DNAJC3: variants seen among roughly 807,000 people sequenced by gnomAD.
DNAJC3 encodes the protein dnaJ homolog subfamily C member 3.
In DNAJC3, 38 loss-of-function variants were observed where a neutral mutation model predicts 68.6. The observed-to-expected ratio is 0.55, with a 90% CI of 0.43 to 0.73. The LOEUF (loss-of-function observed/expected upper bound fraction) is 0.73, where lower values mean the gene tolerates loss of function less well. Among genes scored for constraint, DNAJC3 ranks in the 30% least tolerant of loss-of-function variants. The pLI, the probability that DNAJC3 is intolerant of heterozygous loss-of-function variation, is 0.00. For synonymous variants in DNAJC3, 203 were observed against 204.0 expected (o/e 1.00, Z 0.04); for missense variants, 526 against 591.9 (o/e 0.89, Z 1.16).
chr13:95,750,931 G>A (rs1008288353), intron 4 of DNAJC3, among the ~76,000 whole-genome samples: 3 of 152,080 alleles, frequency 2.0e-5, no homozygotes, highest in Non-Finnish European at 2.9e-5. Flanking sequence ...TCTGTAGTAA[G>A]TATACAAAAT....
chr13:95,704,205 C>T (rs1012813962), intron 1 of DNAJC3, among the ~76,000 whole-genome samples: 1 of 152,156 alleles, frequency 6.6e-6, no homozygotes, highest in African/African-American at 2.4e-5. Context: ...CTAAGATCTC[C>T]AAACCATCAG....
At chr13:95,777,295 G>T (rs1314892878) in intron 9 of DNAJC3, among the ~76,000 whole-genome samples, 1 of 152,150 alleles carries the variant, frequency 6.6e-6, no homozygotes, top group African/African-American at 2.4e-5. Context: ...CGTCCAAAGA[G>T]CCCTTATCTT....
intron 4 of DNAJC3, among the ~76,000 whole-genome samples, chr13:95,751,629 T>G (rs1882481090): frequency 6.6e-6 from 1 of 152,218 alleles, no homozygotes; most frequent in Non-Finnish European, 1.5e-5. Flanking sequence ...GTGGTTTGAT[T>G]AAAAACTACA....
rs889514289 is a variant in DNAJC3, at chr13:95,793,176, A to C, written c.*2146A>C. ...TTGCCTGTTTTCAGTGAAGAGAGAG[A>C]AGCAGCTCTGGTGCCACATGCCAGT... On this transcript the variant is annotated 3_prime_UTR_variant, in exon 12 of 12. Coordinates refer to ENST00000602402, the MANE Select transcript of DNAJC3 (RefSeq NM_006260.5). 1 of 152,338 alleles carries C rather than the reference A, an allele frequency of 6.6e-6. No homozygotes were observed. Among genetic ancestry groups the C allele is most frequent in the East Asian group, 1.9e-4 (1 of 5,182 alleles). The allele number at this position is 152,338 out of a possible 1,614,324, so 9.4% of individuals were successfully genotyped here.
intron 2 of DNAJC3, among the ~76,000 whole-genome samples, chr13:95,721,454 G>A (rs572997081): frequency 6.6e-6 from 1 of 152,216 alleles, no homozygotes; most frequent in South Asian, 2.1e-4. Flanking sequence ...GGCCCACATT[G>A]TAATTTTACA....
chr13:95,750,513 A>ATT (rs111462244), intron 4 of DNAJC3, among the ~76,000 whole-genome samples: 46 of 144,210 alleles, frequency 3.2e-4, no homozygotes, highest in African/African-American at 1.0e-3. Flanking sequence ...TAATTATTCA[A>ATT]TTTTTTTTTT....
At chr13:95,722,833 CCCCCCCG>C (rs1881375550) in intron 2 of DNAJC3, among the ~76,000 whole-genome samples, 1 of 31,168 alleles carries the variant, frequency 3.2e-5, no homozygotes, top group Non-Finnish European at 1.0e-4. Flanking sequence ...CCCCCCCCCC[CCCCCCCG>C]CCGAAAAAGG....
intron 1 of DNAJC3, among the ~76,000 whole-genome samples, chr13:95,691,281 G>T (rs953647754): frequency 1.0e-4 from 15 of 149,126 alleles, no homozygotes; most frequent in African/African-American, 3.7e-4. Context: ...GGGCGGAGGG[G>T]CTCCTCACTT....
intron 9 of DNAJC3, among the ~76,000 whole-genome samples, chr13:95,783,262 A>G (rs1399771125): frequency 6.6e-6 from 1 of 152,222 alleles, no homozygotes; most frequent in African/African-American, 2.4e-5. Context: ...AATATAGGAA[A>G]CAACCTATAA....
At chr13:95,772,292 T>C (rs1202168627) in intron 9 of DNAJC3, among the ~76,000 whole-genome samples, 2 of 152,222 alleles carry the variant, frequency 1.3e-5, no homozygotes, top group Non-Finnish European at 2.9e-5. Context: ...TCTACTGTCA[T>C]ATTACCAGAC....
Position 95,794,433 on chromosome 13 carries a change from G to C in DNAJC3, c.*3403G>C, listed in dbSNP as rs1322228156. 1.3e-5 allele frequency: 2 copies of C among 152,222 alleles called. No homozygotes were observed. Among genetic ancestry groups the C allele is most frequent in the African/African-American group, 2.4e-5 (1 of 41,460 alleles). 9.4% of individuals were successfully genotyped at this position (152,222 alleles called of 1,614,324 possible). A position where few individuals can be genotyped will look rare whatever the true frequency, so the allele number is the denominator to read the frequency against. ...GCACACAGCAATGGTATCACCTAGA[G>C]AAGTTCACGCAACTTTGTTGAATGT... On this transcript the variant is annotated 3_prime_UTR_variant, in exon 12 of 12. Transcript: ENST00000602402.
chr13:95,786,184 A>G (rs924768357), intron 10 of DNAJC3, 113 bp downstream of exon 10: 2 of 1,181,176 alleles, frequency 1.7e-6, no homozygotes, highest in Non-Finnish European at 2.3e-6. Flanking sequence ...AATTTCAGTC[A>G]TATGGATTAA....
chr13:95,794,861 A>G lies in DNAJC3; in HGVS notation c.*3831A>G, dbSNP rs990075562. On this transcript the variant is annotated 3_prime_UTR_variant, in exon 12 of 12. Transcript: ENST00000602402. Reference sequence around the variant, plus strand: ...AGACTAAGTAACTTAATCCATCTCAATGTAGTGTTTTAATAAAAAAGGAAC... The same window carrying G: ...AGACTAAGTAACTTAATCCATCTCAGTGTAGTGTTTTAATAAAAAAGGAAC... 1 of 152,228 alleles carries G rather than the reference A, an allele frequency of 6.6e-6. No homozygotes were observed. Among genetic ancestry groups the G allele is most frequent in the African/African-American group, 2.4e-5 (1 of 41,470 alleles). The allele number at this position is 152,228 out of a possible 1,614,324, so 9.4% of individuals were successfully genotyped here.
chr13:95,679,320 T>G (rs1229278418), intron 1 of DNAJC3, among the ~76,000 whole-genome samples: 1 of 148,576 alleles, frequency 6.7e-6, no homozygotes, highest in Non-Finnish European at 1.5e-5. Context: ...TAAAACAGAG[T>G]GCTGTACCCC....
intron 4 of DNAJC3, chr13:95,744,790 A>G (rs934644419): frequency 2.0e-5 from 3 of 152,248 alleles, no homozygotes; most frequent in African/African-American, 7.2e-5. Flanking sequence ...AGGTAACACA[A>G]GAAATACAAA....
At chr13:95,765,436 G>C (rs574745864) in intron 9 of DNAJC3, among the ~76,000 whole-genome samples, 3 of 150,392 alleles carry the variant, frequency 2.0e-5, no homozygotes, top group Non-Finnish European at 4.4e-5. Flanking sequence ...GCTAAATCTT[G>C]TAGAATGCTA....
intron 4 of DNAJC3, among the ~76,000 whole-genome samples, chr13:95,729,181 T>TTCTCTC (rs34173455): frequency 8.2e-5 from 11 of 134,628 alleles, no homozygotes; most frequent in South Asian, 2.7e-4. Flanking sequence ...CATTCACTCA[T>TTCTCTC]TCTCTCTCTC....
At chr13:95,771,785 TTC>T (rs1028943429) in intron 9 of DNAJC3, among the ~76,000 whole-genome samples, 1 of 151,842 alleles carries the variant, frequency 6.6e-6, no homozygotes, top group African/African-American at 2.4e-5. Flanking sequence ...TACCAATCAG[TTC>T]CCATCCCACC....
chr13:95,733,858 G>A (rs988191771), intron 4 of DNAJC3, among the ~76,000 whole-genome samples: 1 of 152,030 alleles, frequency 6.6e-6, no homozygotes, highest in African/African-American at 2.4e-5. Context: ...TACAAGTGAA[G>A]GAAGTTTCTT....
Sources: allele counts gnomAD v4.1 joint callset (sites outside exome capture counted in the v4.1 genomes callset), GRCh38; gene constraint gnomAD v4.1.1; transcripts MANE v1.5; gene names NCBI Gene and HGNC (gene_info 2026-07-23, HGNC 2026-07-21).